CLYBL: variants seen among roughly 807,000 people sequenced by gnomAD.
CLYBL encodes the protein citramalyl-CoA lyase, mitochondrial.
A neutral mutation model predicts 38.9 loss-of-function variants in CLYBL; 31 were observed. The ratio of observed to expected loss-of-function variants is 0.80; its 90% CI spans 0.60 to 1.08. The LOEUF is 1.08. Ranked by LOEUF, CLYBL falls within the 50% of genes least tolerant of loss-of-function variation. The pLI, the probability that CLYBL is intolerant of heterozygous loss-of-function variation, is 0.00. For synonymous variants in CLYBL, 171 were observed against 158.6 expected (o/e 1.08, Z -0.59); for missense variants, 434 against 411.6 (o/e 1.05, Z -0.47).
intron 2 of CLYBL, among the ~76,000 whole-genome samples, chr13:99,858,231 T>C (rs1309724895): frequency 6.6e-6 from 1 of 152,198 alleles, no homozygotes; most frequent in African/African-American, 2.4e-5. Flanking sequence ...TGTCAAGCAC[T>C]TCATGAAGGG....
chr13:99,703,010 G>A (rs2048092400), intron 1 of CLYBL, among the ~76,000 whole-genome samples: 1 of 152,146 alleles, frequency 6.6e-6, no homozygotes, highest in Non-Finnish European at 1.5e-5. Context: ...AAAAGAAAAG[G>A]GTGCTATATT....
In CLYBL at chr13:99,739,284, C is replaced by T. The variant is rs975685839; in HGVS notation, c.63-33540C>T. ...TTAGACACACCGTGTGAACTTAGTA[C>T]TTGAGGAAAGGAAATGAGGGGAGGA... On this transcript the variant is annotated intron_variant, in intron 1 of 8. Coordinates refer to ENST00000339105, the MANE Select transcript of CLYBL (RefSeq NM_206808.5). 2.0e-5 allele frequency among the ~76,000 whole-genome samples: 3 copies of T among 152,132 alleles called. 1 individual carries two copies. The South Asian group carries it at 6.2e-4, about 32-fold the overall frequency.
At chr13:99,679,402 G>A (rs1305020478) in intron 1 of CLYBL, among the ~76,000 whole-genome samples, 1 of 151,982 alleles carries the variant, frequency 6.6e-6, no homozygotes, top group Non-Finnish European at 1.5e-5. Context: ...AAGGAGAATC[G>A]AAATTTTGGG....
chr13:99,774,747 G>A (rs2049475360), intron 2 of CLYBL, among the ~76,000 whole-genome samples: 2 of 152,178 alleles, frequency 1.3e-5, no homozygotes, highest in South Asian at 4.1e-4. Flanking sequence ...ATGAGCCTGT[G>A]GAATCTAAAA....
At chr13:99,837,073 T>C (rs954685247) in intron 2 of CLYBL, among the ~76,000 whole-genome samples, 4 of 151,694 alleles carry the variant, frequency 2.6e-5, no homozygotes, top group African/African-American at 9.7e-5. Flanking sequence ...GCCTCAGAGG[T>C]CCCCACTTAA....
intron 2 of CLYBL, among the ~76,000 whole-genome samples, chr13:99,853,996 T>G (rs2051394696): frequency 6.6e-6 from 1 of 152,188 alleles, no homozygotes; most frequent in African/African-American, 2.4e-5. Context: ...ATGGACACAT[T>G]CAGAAGGGAT....
In CLYBL at chr13:99,866,370, T is replaced by C; in HGVS notation, c.765T>C (p.Leu255=). Residue 255 remains leucine, a synonymous_variant, in exon 6 of 9, where the codon CTT becomes CTC. Transcript: ENST00000339105. ...ACTTTCGAGATGGAGCTGGGCTGCTTAGACAGTCACGAGAAGGAGCCGCCA... is the reference window on the plus strand; with the variant it reads ...ACTTTCGAGATGGAGCTGGGCTGCTCAGACAGTCACGAGAAGGAGCCGCCA... ...YIDFRDGAGL[L]RQSREGAAMG... The C allele has an allele frequency of 6.2e-7, 1 of 1,614,094 alleles. No individual in the cohort carries two copies. The highest frequency in any genetic ancestry group is 1.1e-5 in the South Asian group (1 of 91,064).
chr13:99,714,778 T>G (rs1173132558), intron 1 of CLYBL, among the ~76,000 whole-genome samples: 1 of 151,670 alleles, frequency 6.6e-6, no homozygotes, highest in Non-Finnish European at 1.5e-5. Context: ...TGAAACCGCG[T>G]CTCTACTAAA....
At chr13:99,843,580 G>T (rs890335022) in intron 2 of CLYBL, among the ~76,000 whole-genome samples, 1 of 150,706 alleles carries the variant, frequency 6.6e-6, no homozygotes, top group African/African-American at 2.4e-5. Flanking sequence ...CATATTAATG[G>T]CAAACAGCTG....
intron 1 of CLYBL, among the ~76,000 whole-genome samples, chr13:99,720,782 T>C (rs1341390585): frequency 6.6e-6 from 1 of 152,248 alleles, no homozygotes; most frequent in Non-Finnish European, 1.5e-5. Context: ...CTATGTGTTC[T>C]ATAGTTTCAC....
intron 2 of CLYBL, among the ~76,000 whole-genome samples, chr13:99,819,134 C>T (rs1363793255): frequency 1.3e-5 from 2 of 151,786 alleles, no homozygotes; most frequent in African/African-American, 4.8e-5. Context: ...TCGCTTGAGG[C>T]CAGGAGTTTG....
At chr13:99,655,216 C>T (rs1422730232) in intron 1 of CLYBL, among the ~76,000 whole-genome samples, 3 of 151,812 alleles carry the variant, frequency 2.0e-5, no homozygotes, top group Non-Finnish European at 4.4e-5. Context: ...GCTGGGATTA[C>T]AGGCACCTGC....
intron 1 of CLYBL, among the ~76,000 whole-genome samples, chr13:99,731,691 A>G (rs1380373187): frequency 6.6e-6 from 1 of 152,166 alleles, no homozygotes; most frequent in Admixed American, 6.5e-5. Flanking sequence ...GATGGCTCTC[A>G]CGGACGTGCT....
chr13:99,683,873 T>A (rs189637997), intron 1 of CLYBL, among the ~76,000 whole-genome samples: 3,345 of 144,992 alleles, frequency 0.023, 57 homozygotes, highest in Non-Finnish European at 0.036. Flanking sequence ...ATATATAAAA[T>A]TTTTTTTTTT....
intron 2 of CLYBL, among the ~76,000 whole-genome samples, chr13:99,828,472 A>C (rs998417059): frequency 1.1e-4 from 16 of 152,128 alleles, no homozygotes; most frequent in African/African-American, 3.4e-4. Flanking sequence ...ATTTTTAAGC[A>C]CTCTAAAATG....
At chr13:99,825,815 T>G (rs2050683848) in intron 2 of CLYBL, among the ~76,000 whole-genome samples, 1 of 152,224 alleles carries the variant, frequency 6.6e-6, no homozygotes, top group African/African-American at 2.4e-5. Flanking sequence ...AAGTCCCTCA[T>G]GGACACTGGT....
intron 2 of CLYBL, among the ~76,000 whole-genome samples, chr13:99,812,663 T>C (rs2050365309): frequency 1.3e-5 from 2 of 152,226 alleles, no homozygotes; most frequent in Admixed American, 6.5e-5. Flanking sequence ...AGAAAAGGTC[T>C]CTTTTCCACA....
rs111974174 is a variant in CLYBL, at chr13:99,654,409, C to T, written c.62+47652C>T. On this transcript the variant is annotated intron_variant, in intron 1 of 8. Coordinates refer to ENST00000339105, the MANE Select transcript of CLYBL (RefSeq NM_206808.5). ...CAAAGAGGAGGGGCTGGCTGGGGCT[C>T]GTGTCCTCCTCCGTACCCTCATCCC... 5.1e-3 allele frequency among the ~76,000 whole-genome samples: 776 copies of T among 152,176 alleles called. 4 individuals are homozygous for T. Among genetic ancestry groups the T allele is most frequent in the African/African-American group, 0.018 (747 of 41,512 alleles).
downstream of CLYBL, among the ~76,000 whole-genome samples, chr13:99,901,213 G>A (rs2052638354): frequency 6.6e-6 from 1 of 152,164 alleles, no homozygotes; most frequent in Admixed American, 6.5e-5. Context: ...CATGGGCACC[G>A]TTCTTTGCAT....
Sources: gnomAD v4.1 joint callset for allele counts (sites outside exome capture counted in the v4.1 genomes callset) on GRCh38, gnomAD v4.1.1 for gene constraint, MANE v1.5 for transcripts, NCBI Gene and HGNC (gene_info 2026-07-23, HGNC 2026-07-21) for gene names.